The following SLC25A28 variants were observed in gnomAD, a reference collection of about 807,000 sequenced individuals.
SLC25A28 encodes the protein mitoferrin-2.
Under a neutral mutation model 31.9 loss-of-function variants are expected in SLC25A28, and 10 were observed. That is an observed-to-expected ratio of 0.31 (90% confidence interval 0.19 to 0.53). The LOEUF is 0.53. Among genes scored for constraint, SLC25A28 ranks in the 20% least tolerant of loss-of-function variants. SLC25A28 has a pLI of 0.95. For missense variants in SLC25A28, 256 were observed against 490.3 expected (o/e 0.52, Z 4.51); for synonymous variants, 208 against 203.6 (o/e 1.02, Z -0.19).
At chr10:99,626,942 T>TA in the SLC25A28 span, among the ~76,000 whole-genome samples, 26 of 152,172 alleles carry the variant, frequency 1.7e-4, no homozygotes, top group Admixed American at 2.6e-4. Context: ...TTGTATTTTT[T>TA]TAAAAAAATA....
At chr10:99,642,464 T>G in the SLC25A28 span, among the ~76,000 whole-genome samples, 1 of 152,196 alleles carries the variant, frequency 6.6e-6, no homozygotes, top group African/African-American at 2.4e-5. Flanking sequence ...AAGGAGGTTT[T>G]GGGATGAGAC....
the SLC25A28 span, among the ~76,000 whole-genome samples, chr10:99,646,343 G>C: frequency 6.6e-6 from 1 of 152,228 alleles, no homozygotes; most frequent in Non-Finnish European, 1.5e-5. Flanking sequence ...CTCTGTGGGC[G>C]TGGGACCCTC....
the SLC25A28 span, among the ~76,000 whole-genome samples, chr10:99,646,272 C>G: frequency 6.6e-6 from 1 of 152,322 alleles, no homozygotes; most frequent in Non-Finnish European, 1.5e-5. Context: ...GACGCCCCTC[C>G]CCCAGCCTCA....
chr10:99,621,833 CTT>C (rs1000898975), upstream of SLC25A28: 2 of 152,198 alleles, frequency 1.3e-5, no homozygotes, highest in African/African-American at 4.8e-5. Context: ...TTTTTAAAAA[CTT>C]TTTCTACTCT....
chr10:99,639,396 G>T, the SLC25A28 span, among the ~76,000 whole-genome samples: 1 of 151,896 alleles, frequency 6.6e-6, no homozygotes. Flanking sequence ...TATATTGCAT[G>T]GGTGATGGGT....
At chr10:99,655,339 T>C in the SLC25A28 span, among the ~76,000 whole-genome samples, 1 of 152,186 alleles carries the variant, frequency 6.6e-6, no homozygotes, top group Non-Finnish European at 1.5e-5. Context: ...GTTTCTTTTC[T>C]GTTTTGAGAT....
rs2034575341 is a variant in SLC25A28 at position 99,613,373 on chromosome 10, G to A, written c.520+323C>T. 2 of 1,224,560 alleles carry A rather than the reference G, an allele frequency of 1.6e-6. No homozygotes were observed. The allele number at this position is 1,224,560 out of a possible 1,614,324, so 75.9% of individuals were successfully genotyped here. ...CTAAGGAGCAGGACACCACCCAACTGTCAAACATAGACTGGGGGTAGTTCA... is the reference window on the plus strand; with the variant it reads ...CTAAGGAGCAGGACACCACCCAACTATCAAACATAGACTGGGGGTAGTTCA... On this transcript the variant is annotated intron_variant, in intron 2 of 3. Transcript: ENST00000370495. This position sits in a 1 kb window ranked among gnomAD's most constrained non-coding sequence, Gnocchi z 4.9.
At chr10:99,635,178 A>G in the SLC25A28 span, among the ~76,000 whole-genome samples, 1 of 152,220 alleles carries the variant, frequency 6.6e-6, no homozygotes, top group African/African-American at 2.4e-5. Context: ...CTGGAAACAC[A>G]TCAAAACAAA....
chr10:99,650,858 C>T, the SLC25A28 span, among the ~76,000 whole-genome samples: 1 of 152,082 alleles, frequency 6.6e-6, no homozygotes. Context: ...TGTAGATCCC[C>T]GGTATCTAGA....
the SLC25A28 span, among the ~76,000 whole-genome samples, chr10:99,641,777 C>A: frequency 6.6e-6 from 1 of 152,314 alleles, no homozygotes; most frequent in East Asian, 1.9e-4. Flanking sequence ...TTTCAGCTTT[C>A]TCCATATGGC....
chr10:99,635,755 T>G, the SLC25A28 span, among the ~76,000 whole-genome samples: 2 of 151,070 alleles, frequency 1.3e-5, no homozygotes, highest in African/African-American at 2.4e-5. Flanking sequence ...TCACATAAAC[T>G]TAAAGTAAAG....
upstream of SLC25A28, chr10:99,620,947 C>G: frequency 1.0e-6 from 1 of 957,842 alleles, no homozygotes; most frequent in Non-Finnish European, 1.2e-6. Flanking sequence ...CGTTACGACC[C>G]GCGCTCCCGT....
At chr10:99,632,086 C>T in the SLC25A28 span, among the ~76,000 whole-genome samples, 6 of 150,336 alleles carry the variant, frequency 4.0e-5, no homozygotes, top group Admixed American at 2.7e-4. Flanking sequence ...TTAGTAGAGA[C>T]GGGGTTTCAC....
the SLC25A28 span, among the ~76,000 whole-genome samples, chr10:99,657,017 A>G: frequency 6.6e-6 from 1 of 152,246 alleles, no homozygotes; most frequent in Non-Finnish European, 1.5e-5. Context: ...ACTGACAAAG[A>G]AAGTTTTACA....
chr10:99,618,162 T>A, intron 1 of SLC25A28: 1 of 657,198 alleles, frequency 1.5e-6, no homozygotes, highest in Non-Finnish European at 1.9e-6. Context: ...CTTAAGGACA[T>A]GCACCCAAAT....
At position 99,611,283 on chromosome 10, in the gene SLC25A28, C is replaced by T. The variant is rs755628185; in HGVS notation, c.661G>A (p.Ala221Thr). 1.2e-6 allele frequency: 2 copies of T among 1,613,984 alleles called. No individual in the cohort carries two copies. The highest frequency in any genetic ancestry group is 1.6e-4 in the Middle Eastern group (1 of 6,084). ...CVRAVWQNEG[A>T]GAFYRSYTTQ... ...GTGTAGCTGCGGTAAAAGGCCCCGG[C>T]CCCTTCATTTTGCCACACTGCCCGT... The change falls in exon 4 of 4, where the codon GCC becomes ACC. Residue 221 changes from alanine to threonine, a missense_variant. Transcript: ENST00000370495. The surrounding 1 kb of genome is among the most constrained non-coding windows in gnomAD (Gnocchi z 5.5).
the SLC25A28 span, among the ~76,000 whole-genome samples, chr10:99,633,635 C>T: frequency 6.7e-6 from 1 of 148,594 alleles, no homozygotes; most frequent in African/African-American, 2.5e-5. Context: ...TGCCATTGCA[C>T]TCCAGCCTGG....
the SLC25A28 span, among the ~76,000 whole-genome samples, chr10:99,659,023 G>C: frequency 1.3e-5 from 2 of 152,212 alleles, no homozygotes; most frequent in Admixed American, 6.5e-5. The surrounding 1 kb of genome is among the most constrained non-coding windows in gnomAD (Gnocchi z 4.1). Flanking sequence ...TTTGGGAGGT[G>C]ATAGGGAAGG....
chr10:99,621,404 G>C (rs2034792558), upstream of SLC25A28: 1 of 152,668 alleles, frequency 6.6e-6, no homozygotes, highest in African/African-American at 2.4e-5. Context: ...GGCCGGTGGC[G>C]AGGCGGGGCT....
Sources: allele counts gnomAD v4.1 joint callset (sites outside exome capture counted in the v4.1 genomes callset), GRCh38; gene constraint gnomAD v4.1.1; non-coding constraint Gnocchi (gnomAD v3.1); transcripts MANE v1.5; gene names NCBI Gene and HGNC (gene_info 2026-07-23, HGNC 2026-07-21).